The following MSH3 variants were observed in gnomAD, a reference collection of about 807,000 sequenced individuals.
MSH3 encodes the protein mutS homolog 3, also known as DNA mismatch repair protein Msh3.
MSH3 carries 106 observed loss-of-function variants against 123.3 expected under a neutral mutation model. The observed-to-expected ratio is 0.86, with a 90% CI of 0.73 to 1.01. The LOEUF (loss-of-function observed/expected upper bound fraction) is 1.01, where lower values mean the gene tolerates loss of function less well. Among genes scored for constraint, MSH3 ranks in the 50% least tolerant of loss-of-function variants. The pLI is 0.00. For missense variants in MSH3, 1,459 were observed against 1,347.6 expected, an observed-to-expected ratio of 1.08 and a Z score of -1.29; for synonymous variants, 515 against 481.4, an observed-to-expected ratio of 1.07 and a Z score of -0.91.
At chr5:80,777,778 C>A (rs1459139183) in intron 16 of MSH3, among the ~76,000 whole-genome samples, 1 of 152,076 alleles carries the variant, frequency 6.6e-6, no homozygotes, top group Non-Finnish European at 1.5e-5. Flanking sequence ...CAGTGTATTA[C>A]AAGAGTTGGG....
chr5:80,767,809 C>A, intron 13 of MSH3, 124 bp from the exon 14 acceptor site: 1 of 697,178 alleles, frequency 1.4e-6, no homozygotes, highest in Non-Finnish European at 2.5e-6. Flanking sequence ...TATTTTATTT[C>A]AACTAACTAG....
At chr5:80,789,865 A>G (rs1324597273) in intron 18 of MSH3, among the ~76,000 whole-genome samples, 1 of 152,228 alleles carries the variant, frequency 6.6e-6, no homozygotes, top group Non-Finnish European at 1.5e-5. Flanking sequence ...AAAAAGACCA[A>G]TGAATCACCA....
chr5:80,692,099 T>C (rs1750284840), intron 8 of MSH3, among the ~76,000 whole-genome samples: 2 of 147,610 alleles, frequency 1.4e-5, no homozygotes, highest in African/African-American at 4.9e-5. Context: ...TTTAGATAGA[T>C]AGATAAACAT....
intron 21 of MSH3, 72 bp from the exon 22 acceptor site, chr5:80,864,741 A>C (rs1746070717): frequency 1.4e-6 from 2 of 1,403,656 alleles, no homozygotes; most frequent in Non-Finnish European, 2.0e-6. Flanking sequence ...TTTCAAAAGA[A>C]AGTGGAAGAC....
chr5:80,807,061 A>G (rs1475986331), intron 19 of MSH3, among the ~76,000 whole-genome samples: 3 of 151,764 alleles, frequency 2.0e-5, no homozygotes, highest in Admixed American at 2.0e-4. Context: ...ATGTGATGGC[A>G]CCCACCCATG....
chr5:80,655,284 C>CT (rs1244129291), intron 1 of MSH3: 2,363 of 223,034 alleles, frequency 0.011, no homozygotes, highest in Middle Eastern at 0.015. Flanking sequence ...AACCTCCATC[C>CT]TTTTTTTTTT....
intron 19 of MSH3, among the ~76,000 whole-genome samples, chr5:80,812,847 C>T (rs772792049): frequency 4.6e-5 from 7 of 152,088 alleles, no homozygotes; most frequent in Non-Finnish European, 5.9e-5. Context: ...TGTGAGCCAC[C>T]GCGCCTGGCC....
At chr5:80,874,421 C>T (rs1389746094) in intron 23 of MSH3, among the ~76,000 whole-genome samples, 3 of 152,058 alleles carry the variant, frequency 2.0e-5, no homozygotes, top group Non-Finnish European at 4.4e-5. Context: ...ATTGCAATGC[C>T]AAAACAGAAG....
chr5:80,793,136 A>G (rs541885810), intron 19 of MSH3, among the ~76,000 whole-genome samples: 2 of 152,344 alleles, frequency 1.3e-5, no homozygotes, highest in African/African-American at 4.8e-5. Flanking sequence ...TTGGAATTAT[A>G]CCATAGTTTT....
Position 80,850,316 on chromosome 5 carries a change from C to T in MSH3, c.2814-3814C>T, listed in dbSNP as rs563783961. On this transcript the variant is annotated intron_variant, in intron 20 of 23. Transcript: ENST00000265081. ...AACTGTTGCAACCTCTGTCTGTTTC[C>T]CAGTTCCAAAGTTGCCTCCACTTTT... Among the ~76,000 whole-genome samples, 3 of 152,280 alleles carry T rather than the reference C, an allele frequency of 2.0e-5. No homozygotes were observed. In the East Asian group the frequency reaches 5.8e-4, roughly 29 times the overall value.
intron 20 of MSH3, among the ~76,000 whole-genome samples, chr5:80,824,300 G>A (rs537758217): frequency 6.6e-6 from 1 of 152,090 alleles, no homozygotes; most frequent in East Asian, 1.9e-4. Context: ...CCTCCCGGAC[G>A]GGGTGGCGGC....
intron 8 of MSH3, among the ~76,000 whole-genome samples, chr5:80,686,390 C>T (rs1167822549): frequency 6.6e-6 from 1 of 150,974 alleles, no homozygotes; most frequent in Non-Finnish European, 1.5e-5. Flanking sequence ...GCAACCTCTG[C>T]CTCCCGGGTT....
chr5:80,785,372 G>A (rs1399427674), intron 17 of MSH3, among the ~76,000 whole-genome samples: 2 of 152,036 alleles, frequency 1.3e-5, no homozygotes, highest in Admixed American at 6.6e-5. Flanking sequence ...ACCATCACTG[G>A]CCATCAGAGA....
intron 12 of MSH3, 50 bp downstream of exon 12, chr5:80,744,665 A>G: frequency 7.3e-7 from 1 of 1,360,566 alleles, no homozygotes. Flanking sequence ...TAAAATTTTG[A>G]AATTAAAGGC....
chr5:80,774,839 T>G (rs756792986), intron 15 of MSH3, among the ~76,000 whole-genome samples: 2 of 151,932 alleles, frequency 1.3e-5, no homozygotes, highest in Non-Finnish European at 2.9e-5. Flanking sequence ...GTGGAGGGGA[T>G]GAGGGGATGG....
Position 80,672,746 on chromosome 5 carries a change from A to G in MSH3, c.915A>G (p.Gly305=), listed in dbSNP as rs756110352. Residue 305 remains glycine, a synonymous_variant, in exon 6 of 24, where the codon GGA becomes GGG. Transcript: ENST00000265081. The stretch of plus-strand genomic sequence containing the variant: ...ATTTCTTATTTTTGTTGAAGGTGGG[A>G]GTTGTGAAGCAAACTGAAACTGCAG... ...RRLVAKGYKV[G]VVKQTETAAL... 1 of 1,612,418 alleles carries G rather than the reference A, an allele frequency of 6.2e-7. No homozygotes were observed. Among genetic ancestry groups the G allele is most frequent in the Non-Finnish European group, 8.5e-7 (1 of 1,178,480 alleles).
intron 8 of MSH3, among the ~76,000 whole-genome samples, chr5:80,719,654 C>T (rs1253892895): frequency 2.6e-5 from 4 of 152,180 alleles, no homozygotes; most frequent in Non-Finnish European, 4.4e-5. Flanking sequence ...AAAGGTCTTA[C>T]GTTTCTTCCC....
intron 16 of MSH3, among the ~76,000 whole-genome samples, chr5:80,777,805 G>A (rs1244129325): frequency 1.3e-5 from 2 of 152,064 alleles, no homozygotes; most frequent in African/African-American, 4.8e-5. Flanking sequence ...AAAAAGACCA[G>A]ACACCTTGAC....
intron 8 of MSH3, among the ~76,000 whole-genome samples, chr5:80,706,449 A>G (rs975237125): frequency 6.6e-6 from 1 of 152,246 alleles, no homozygotes; most frequent in African/African-American, 2.4e-5. Flanking sequence ...AGTTCTTAGA[A>G]GAGTATGGCC....
Sources: allele counts gnomAD v4.1 joint callset (sites outside exome capture counted in the v4.1 genomes callset), GRCh38; gene constraint gnomAD v4.1.1; transcripts MANE v1.5; gene names NCBI Gene and HGNC (gene_info 2026-07-23, HGNC 2026-07-21).